Variants in RRP1B observed in about 807,000 individuals in gnomAD.
RRP1B encodes the protein ribosomal RNA processing 1B.
In RRP1B, 56 loss-of-function variants were observed where a neutral mutation model predicts 80.2. That is an observed-to-expected ratio of 0.70 (90% CI 0.56 to 0.87). RRP1B has a LOEUF of 0.87. Ranked by LOEUF, RRP1B falls within the 40% of genes least tolerant of loss-of-function variation. RRP1B has a pLI of 0.00. For missense variants in RRP1B, 807 were observed against 939.8 expected, an observed-to-expected ratio of 0.86 and a Z score of 1.85; for synonymous variants, 351 against 357.6, an observed-to-expected ratio of 0.98 and a Z score of 0.21.
chr21:43,674,036 T>C (rs1235278324), intron 4 of RRP1B, 81 bp downstream of exon 4: 6 of 1,064,886 alleles, frequency 5.6e-6, no homozygotes, highest in Non-Finnish European at 6.9e-6. Flanking sequence ...GAAGGTTTAT[T>C]TGTGAAGCAA....
At position 43,691,407 on chromosome 21, in the gene RRP1B, C is replaced by T. The variant is rs971991383; in HGVS notation, c.2020-32C>T. The T allele has an allele frequency of 6.2e-7, 1 of 1,610,682 alleles. No individual in the cohort carries two copies. Among genetic ancestry groups the T allele is most frequent in the African/African-American group, 1.3e-5 (1 of 74,880 alleles). On this transcript the variant is annotated intron_variant, in intron 14 of 15. Coordinates refer to ENST00000340648, the MANE Select transcript of RRP1B (RefSeq NM_015056.3). This position sits in a 1 kb window ranked among gnomAD's most constrained non-coding sequence, Gnocchi z 4.2. ...AAGCGCCTCCACTGCACTTGCGTCA[C>T]TCCTTTTGTTCCTGTTATTTCTCTT...
intron 1 of RRP1B, among the ~76,000 whole-genome samples, chr21:43,667,271 G>A (rs1359715015): frequency 6.6e-6 from 1 of 152,206 alleles, no homozygotes; most frequent in African/African-American, 2.4e-5. Context: ...CTGTTGCCCA[G>A]GTTGGAGTGC....
chr21:43,684,510 T>G, intron 9 of RRP1B, 43 bp from the exon 10 acceptor site: 1 of 1,548,066 alleles, frequency 6.5e-7, no homozygotes, highest in Non-Finnish European at 8.9e-7. Flanking sequence ...TCAGGCAGTG[T>G]TGTTTGGCTG....
In RRP1B at chr21:43,695,368, T is replaced by A. The variant is rs1601764906; in HGVS notation, c.*1985T>A. The A allele has an allele frequency of 6.6e-6, 1 of 152,210 alleles. No individual in the cohort carries two copies. The allele number at this position is 152,210 out of a possible 1,614,324, so 9.4% of individuals were successfully genotyped here. A position where few individuals can be genotyped will look rare whatever the true frequency, so the allele number is the denominator to read the frequency against. Reference sequence around the variant, plus strand: ...ATGTTTTTTCCTAGCATTTCTATATTATCTGTCCATTCTGAGGAACCAGTG... The same window carrying A: ...ATGTTTTTTCCTAGCATTTCTATATAATCTGTCCATTCTGAGGAACCAGTG... On this transcript the variant is annotated 3_prime_UTR_variant, in exon 16 of 16. Transcript: ENST00000340648.
chr21:43,688,319 G>T, intron 13 of RRP1B, 79 bp downstream of exon 13: 1 of 1,450,082 alleles, frequency 6.9e-7, no homozygotes, highest in South Asian at 1.4e-5. Context: ...CCTCCTGAGA[G>T]GAAGGGTGGG....
intron 13 of RRP1B, among the ~76,000 whole-genome samples, chr21:43,688,815 G>GGTCT (rs1204160127): frequency 6.6e-6 from 1 of 152,146 alleles, no homozygotes; most frequent in Non-Finnish European, 1.5e-5. Flanking sequence ...TCTGGTCTTG[G>GGTCT]GTCTGGCTGT....
intron 1 of RRP1B, among the ~76,000 whole-genome samples, chr21:43,669,589 G>A (rs997833245): frequency 1.2e-4 from 19 of 152,186 alleles, no homozygotes; most frequent in Non-Finnish European, 2.5e-4. Context: ...CGTTGATGAG[G>A]AGCCGATTTC....
Position 43,684,873 on chromosome 21 carries a change from C to G in RRP1B, c.989+223C>G, listed in dbSNP as rs558860885. Among the ~76,000 whole-genome samples the G allele has an allele frequency of 2.7e-4, 41 of 152,310 alleles. 2 individuals are homozygous for G. The South Asian group carries it at 8.3e-3, about 31-fold the overall frequency. ...TCTTCCAGTGCAGCCATACTCATCT[C>G]TTAGCTGCTTTAGAATGATGTGAAG... On this transcript the variant is annotated intron_variant, in intron 10 of 15. Coordinates refer to ENST00000340648, the MANE Select transcript of RRP1B (RefSeq NM_015056.3).
intron 2 of RRP1B, among the ~76,000 whole-genome samples, chr21:43,671,083 C>A (rs1008062702): frequency 3.9e-5 from 6 of 152,146 alleles, no homozygotes; most frequent in African/African-American, 1.4e-4. Context: ...TGGTGTGAGT[C>A]AGACTGATGA....
intron 1 of RRP1B, among the ~76,000 whole-genome samples, chr21:43,666,373 G>T (rs563919275): frequency 6.6e-6 from 1 of 152,018 alleles, no homozygotes; most frequent in East Asian, 1.9e-4. Flanking sequence ...ACAAGGTGCT[G>T]GCACCAGCAG....
At chr21:43,681,273 T>C (rs1382913625) in intron 8 of RRP1B, among the ~76,000 whole-genome samples, 2 of 132,750 alleles carry the variant, frequency 1.5e-5, no homozygotes, top group East Asian at 4.1e-4. Context: ...GATAGATAGA[T>C]AGATAGATAG....
intron 13 of RRP1B, among the ~76,000 whole-genome samples, chr21:43,688,701 G>A (rs968115563): frequency 6.6e-6 from 1 of 152,000 alleles, no homozygotes; most frequent in Non-Finnish European, 1.5e-5. Context: ...CTACCCCCCA[G>A]CTCAAGAAAC....
chr21:43,691,336 G>A lies in RRP1B; in HGVS notation c.2020-103G>A. 1 of 1,026,824 alleles carries A rather than the reference G, an allele frequency of 9.7e-7. No individual in the cohort carries two copies. Among genetic ancestry groups the A allele is most frequent in the Non-Finnish European group, 1.5e-6 (1 of 672,936 alleles). The allele number at this position is 1,026,824 out of a possible 1,614,324, so 63.6% of individuals were successfully genotyped here. A position where few individuals can be genotyped will look rare whatever the true frequency, so the allele number is the denominator to read the frequency against. On this transcript the variant is annotated intron_variant, in intron 14 of 15. Transcript: ENST00000340648. The surrounding 1 kb of genome is among the most constrained non-coding windows in gnomAD (Gnocchi z 4.2). ...TATGTGCCACTCAGTAAGCAGCAGT[G>A]TGGGCGGCATACCCTCCAGGGCAGG...
Position 43,687,674 on chromosome 21 carries a change from T to C in RRP1B, c.1300T>C (p.Ser434Pro). 1 of 1,601,314 alleles carries C rather than the reference T, an allele frequency of 6.2e-7. No homozygotes were observed. Among genetic ancestry groups the C allele is most frequent in the Non-Finnish European group, 8.5e-7 (1 of 1,172,388 alleles). Residue 434 changes from serine (S) to proline (P), a missense_variant, in exon 13 of 16, where the codon TCT becomes CCT. By Grantham distance (74) the Ser-to-Pro change is moderately conservative. Transcript: ENST00000340648. ...EQNRGREPEA[S>P]GLKALKARVA... The stretch of plus-strand genomic sequence containing the variant: ...GAACCGGGGCAGGGAGCCCGAGGCC[T>C]CTGGGCTGAAAGCCCTGAAGGCACG...
chr21:43,690,364 C>T lies in RRP1B; in HGVS notation c.1943C>T (p.Pro648Leu), dbSNP rs771828522. The change falls in exon 14 of 16, where the codon CCC becomes CTC. Residue 648 changes from proline to leucine, a missense_variant. Coordinates refer to ENST00000340648, the MANE Select transcript of RRP1B (RefSeq NM_015056.3). ...AGCGACTTTGTGAAGTTTGACACCC[C>T]CTTCTTACCAAAGCCCCTGTTCTTC... ...AESDFVKFDT[P>L]FLPKPLFFRR... 6.2e-7 allele frequency: 1 copy of T among 1,614,210 alleles called. No individual in the cohort carries two copies. The highest frequency in any genetic ancestry group is 8.5e-7 in the Non-Finnish European group (1 of 1,180,030).
chr21:43,680,762 C>T (rs2083040169), intron 8 of RRP1B, among the ~76,000 whole-genome samples: 1 of 152,062 alleles, frequency 6.6e-6, no homozygotes, highest in South Asian at 2.1e-4. Context: ...CCAGGCTGGT[C>T]TTAAACTGTT....
chr21:43,659,644 G>T lies in RRP1B; in HGVS notation c.-21G>T. On this transcript the variant is annotated 5_prime_UTR_variant, in exon 1 of 16. Coordinates refer to ENST00000340648, the MANE Select transcript of RRP1B (RefSeq NM_015056.3). The surrounding 1 kb of genome is among the most constrained non-coding windows in gnomAD (Gnocchi z 4.2). ...CAGCGGCACCGCGGGTTGCGCGGCC[G>T]GGGATGCTCCAGCGGGCGCGATGGC... 1 of 1,481,542 alleles carries T rather than the reference G, an allele frequency of 6.7e-7. No homozygotes were observed. 91.8% of individuals were successfully genotyped at this position (1,481,542 alleles called of 1,614,324 possible).
chr21:43,693,132 G>A lies in RRP1B; in HGVS notation c.2084-58G>A. The A allele has an allele frequency of 6.3e-7, 1 of 1,579,416 alleles. No homozygotes were observed. Among genetic ancestry groups the A allele is most frequent in the South Asian group, 1.1e-5 (1 of 89,356 alleles). ...ACCCAGGCAGGACGCTGTCTAAGGT[G>A]TTGAAGGGACAGCTGTCGGACCCAC... On this transcript the variant is annotated intron_variant, in intron 15 of 15. Transcript: ENST00000340648. The surrounding 1 kb of genome is among the most constrained non-coding windows in gnomAD (Gnocchi z 4.1).
At chr21:43,673,841 A>C (rs925715056) in intron 3 of RRP1B, 29 bp from the exon 4 acceptor site, 3 of 1,523,458 alleles carry the variant, frequency 2.0e-6, no homozygotes, top group Non-Finnish European at 2.7e-6. Context: ...TGTGGAAGCC[A>C]AGTATTTAGA....
Sources: allele counts gnomAD v4.1 joint callset (sites outside exome capture counted in the v4.1 genomes callset), GRCh38; gene constraint gnomAD v4.1.1; non-coding constraint Gnocchi (gnomAD v3.1); transcripts MANE v1.5; gene names NCBI Gene and HGNC (gene_info 2026-07-23, HGNC 2026-07-21).